The following CSMD3 variants were observed in gnomAD, a reference collection of about 807,000 sequenced individuals.
CSMD3 encodes CUB and Sushi multiple domains 3, also known as CUB and sushi domain-containing protein 3.
A neutral mutation model predicts 435.2 loss-of-function variants in CSMD3; 177 were observed. That is an observed-to-expected ratio of 0.41 (90% CI 0.36 to 0.46). The LOEUF (loss-of-function observed/expected upper bound fraction) is 0.46, where lower values mean the gene tolerates loss of function less well. Among genes scored for constraint, CSMD3 ranks in the 20% least tolerant of loss-of-function variants. The pLI, the probability that CSMD3 is intolerant of heterozygous loss-of-function variation, is 0.34. For missense variants in CSMD3, 4,265 were observed against 4,504.6 expected (o/e 0.95, Z 1.52); for synonymous variants, 1,656 against 1,520.5 (o/e 1.09, Z -2.07).
intron 6 of CSMD3, among the ~76,000 whole-genome samples, chr8:113,000,612 T>C (rs187929683): frequency 1.3e-5 from 2 of 152,152 alleles, no homozygotes; most frequent in East Asian, 1.9e-4. Flanking sequence ...ATGAAGAAAA[T>C]AAAACTAAAT....
intron 32 of CSMD3, among the ~76,000 whole-genome samples, chr8:112,419,300 G>C (rs1395384633): frequency 6.6e-6 from 1 of 152,024 alleles, no homozygotes; most frequent in Non-Finnish European, 1.5e-5. Flanking sequence ...TCCTGCCTTT[G>C]AGCAAAAAAG....
chr8:113,101,527 T>G (rs2090330179), intron 4 of CSMD3, among the ~76,000 whole-genome samples: 1 of 152,144 alleles, frequency 6.6e-6, no homozygotes, highest in African/African-American at 2.4e-5. Flanking sequence ...CTACATGATC[T>G]CTTTGAATTT....
chr8:113,349,008 T>G (rs986348523), intron 1 of CSMD3, among the ~76,000 whole-genome samples: 1 of 152,102 alleles, frequency 6.6e-6, no homozygotes, highest in Non-Finnish European at 1.5e-5. Flanking sequence ...TACATACATA[T>G]ATAGGTTTTA....
chr8:112,926,495 G>A lies in CSMD3; in HGVS notation c.1509-4744C>T, dbSNP rs555613276. Among the ~76,000 whole-genome samples, 3 of 152,210 alleles carry A rather than the reference G, an allele frequency of 2.0e-5. No individual in the cohort carries two copies. In the South Asian group the frequency reaches 6.2e-4, roughly 32 times the overall value. On this transcript the variant is annotated intron_variant, in intron 9 of 70. Coordinates refer to ENST00000297405, the MANE Select transcript of CSMD3 (RefSeq NM_198123.2). ...GAAAGTACCAAGTCATAAGGCAAAT[G>A]ATATATAATGATATTGTTTGAAAAA... is the stretch of plus-strand genomic sequence containing the variant.
intron 66 of CSMD3, 42 bp from the exon 67 acceptor site, chr8:112,237,390 C>T (rs995791997): frequency 2.9e-6 from 4 of 1,388,298 alleles, no homozygotes; most frequent in Non-Finnish European, 4.1e-6. Context: ...TTTTACAATG[C>T]CATATAAATA....
intron 32 of CSMD3, among the ~76,000 whole-genome samples, chr8:112,423,268 C>T (rs1031155901): frequency 8.5e-5 from 13 of 152,204 alleles, no homozygotes; most frequent in African/African-American, 1.7e-4. Context: ...CACATCTCAC[C>T]GTGGCTATTT....
chr8:112,816,311 T>C (rs1191833902), intron 12 of CSMD3, among the ~76,000 whole-genome samples: 3 of 152,066 alleles, frequency 2.0e-5, no homozygotes, highest in Non-Finnish European at 4.4e-5. Flanking sequence ...TAAGTATGCA[T>C]AGTGAAAGAG....
chr8:112,371,995 A>G (rs1828439816), intron 38 of CSMD3, among the ~76,000 whole-genome samples: 1 of 152,194 alleles, frequency 6.6e-6, no homozygotes, highest in Non-Finnish European at 1.5e-5. Context: ...AGGTGGAAGA[A>G]AGGAAGAATG....
In CSMD3 at chr8:112,373,022, ATT is replaced by A. The variant is rs58793930; in HGVS notation, c.6136+7328_6136+7329del. 4.1e-3 allele frequency among the ~76,000 whole-genome samples: 565 copies of A among 138,342 alleles called. 3 individuals carry two copies. Among genetic ancestry groups the A allele is most frequent in the African/African-American group, 0.013 (451 of 34,008 alleles). 90.8% of individuals were successfully genotyped at this position (138,342 alleles called of 152,430 possible). A position where few individuals can be genotyped will look rare whatever the true frequency, so the allele number is the denominator to read the frequency against. ...TATATAAAAATATATATATATATAT[ATT>A]TTTTTTCTCATGAGTAGAAAAATCA... is the stretch of plus-strand genomic sequence containing the variant. On this transcript the variant is annotated intron_variant, in intron 38 of 70. Transcript: ENST00000297405.
At chr8:112,574,543 G>A (rs1240913320) in intron 23 of CSMD3, among the ~76,000 whole-genome samples, 1 of 151,912 alleles carries the variant, frequency 6.6e-6, no homozygotes, top group Non-Finnish European at 1.5e-5. Flanking sequence ...TATATTTCTA[G>A]ATAGTTTCCT....
chr8:112,989,602 T>C (rs949211883), intron 6 of CSMD3, among the ~76,000 whole-genome samples: 2 of 152,010 alleles, frequency 1.3e-5, no homozygotes, highest in African/African-American at 4.8e-5. Context: ...ATATTAAATA[T>C]GGTCACATAT....
intron 53 of CSMD3, among the ~76,000 whole-genome samples, chr8:112,301,578 G>A (rs150378349): frequency 1.3e-5 from 2 of 152,194 alleles, no homozygotes; most frequent in East Asian, 3.9e-4. Flanking sequence ...GGAAGAAAAT[G>A]TGTCTCTCCT....
At chr8:113,206,904 G>T (rs896469036) in intron 3 of CSMD3, among the ~76,000 whole-genome samples, 2 of 151,980 alleles carry the variant, frequency 1.3e-5, no homozygotes, top group Non-Finnish European at 2.9e-5. Context: ...TATCAAGTTT[G>T]TTTCTACACA....
chr8:113,255,621 G>T (rs2093373490), intron 3 of CSMD3, among the ~76,000 whole-genome samples: 1 of 151,858 alleles, frequency 6.6e-6, no homozygotes, highest in Admixed American at 6.6e-5. Flanking sequence ...TTACTTTATG[G>T]TGATGAATAA....
chr8:113,026,573 A>ATATC (rs2086884425), intron 5 of CSMD3, among the ~76,000 whole-genome samples: 1 of 152,202 alleles, frequency 6.6e-6, no homozygotes, highest in Non-Finnish European at 1.5e-5. Context: ...CAGGGCTGTT[A>ATATC]TATCCCTGAT....
Position 112,862,472 on chromosome 8 carries a change from A to G in CSMD3, c.1634-3206T>C, listed in dbSNP as rs1022973927. Among the ~76,000 whole-genome samples, 6 of 152,032 alleles carry G rather than the reference A, an allele frequency of 3.9e-5. No individual in the cohort carries two copies. In the East Asian group the frequency reaches 1.2e-3, roughly 29 times the overall value. On this transcript the variant is annotated intron_variant, in intron 10 of 70. Transcript: ENST00000297405. ...CAGGCTTCCACTATGAGAATAGCAC[A>G]GGATGATTAGGAGGTTTCCTTAATC... is the stretch of plus-strand genomic sequence containing the variant.
chr8:112,850,312 T>C (rs2080449235), intron 11 of CSMD3, among the ~76,000 whole-genome samples: 1 of 152,136 alleles, frequency 6.6e-6, no homozygotes. Context: ...ATTAAAAATT[T>C]ACTTATATAA....
intron 35 of CSMD3, among the ~76,000 whole-genome samples, chr8:112,403,774 G>A (rs1022063612): frequency 6.6e-6 from 1 of 152,054 alleles, no homozygotes; most frequent in Non-Finnish European, 1.5e-5. Context: ...GGGGGGCGGT[G>A]GGGTGAGGGA....
rs1812796704 is a variant in CSMD3, at chr8:112,228,659, G to A, written c.10964+97C>T. On this transcript the variant is annotated intron_variant, in intron 70 of 70. Coordinates refer to ENST00000297405, the MANE Select transcript of CSMD3 (RefSeq NM_198123.2). ...AGCACACAGACATTTCAACAACTCA[G>A]AAGAAAATTTGAAATTAAGATTTGA... 13 of 1,313,184 alleles carry A rather than the reference G, an allele frequency of 9.9e-6. No homozygotes were observed. The South Asian group carries it at 1.5e-4, about 15-fold the overall frequency. The allele number at this position is 1,313,184 out of a possible 1,614,324, so 81.3% of individuals were successfully genotyped here.
Sources: allele counts gnomAD v4.1 joint callset (sites outside exome capture counted in the v4.1 genomes callset), GRCh38; gene constraint gnomAD v4.1.1; transcripts MANE v1.5; gene names NCBI Gene and HGNC (gene_info 2026-07-23, HGNC 2026-07-21).